The following TRPM5 variants were observed in gnomAD, a reference collection of about 807,000 sequenced individuals.
TRPM5 encodes the protein MLSN1 and TRP-related.
Under a neutral mutation model 124.9 loss-of-function variants are expected in TRPM5, and 121 were observed. That is an observed-to-expected ratio of 0.97 (90% CI 0.84 to 1.13). The LOEUF (loss-of-function observed/expected upper bound fraction) is 1.13, where lower values mean the gene tolerates loss of function less well. Among genes scored for constraint, TRPM5 ranks in the 50% most tolerant of loss-of-function variants. TRPM5 has a pLI of 0.00. For synonymous variants in TRPM5, 781 were observed against 700.5 expected (o/e 1.11, Z -1.81); for missense variants, 1,643 against 1,589.1 (o/e 1.03, Z -0.58).
intron 11 of TRPM5, 67 bp from the exon 17 acceptor site, chr11:2,414,273 C>A: frequency 6.5e-7 from 1 of 1,536,132 alleles, no homozygotes; most frequent in South Asian, 1.2e-5. Flanking sequence ...GACGCCCCTC[C>A]TCCATCCCCT....
At chr11:2,420,042 CCCAGGCCCCCACGG>C in intron 4 of TRPM5, among the ~76,000 whole-genome samples, 166 bp downstream of exon 9, 1 of 75,728 alleles carries the variant, frequency 1.3e-5, no homozygotes. Context: ...AGCTCCTCCT[CCCAGGCCCCCACGG>C]CCCAGGCCCC....
rs1430329237 is a variant in TRPM5, at chr11:2,413,234, C to A, written c.2004-8G>T. 2 of 1,539,798 alleles carry A rather than the reference C, an allele frequency of 1.3e-6. No homozygotes were observed. The highest frequency in any genetic ancestry group is 1.4e-5 in the African/African-American group (1 of 72,614). The stretch of plus-strand genomic sequence containing the variant: ...CTCAGGGGAGCTTCCTCACTGCGAG[C>A]ACAGGAGAGCTCAGGGCCCGCAGGA... On this transcript the variant is annotated splice_region_variant and splice_polypyrimidine_tract_variant and intron_variant, in intron 13 of 23. Transcript: ENST00000155858.
the TRPM5 span, among the ~76,000 whole-genome samples, chr11:2,433,208 C>A: frequency 6.6e-6 from 1 of 152,262 alleles, no homozygotes; most frequent in Non-Finnish European, 1.5e-5. Context: ...GGCCAAATGA[C>A]CTGCCCATAG....
At chr11:2,429,707 G>GGTGGTGATGGCAGTGATAGTT in the TRPM5 span, among the ~76,000 whole-genome samples, 1 of 152,012 alleles carries the variant, frequency 6.6e-6, no homozygotes, top group African/African-American at 2.4e-5. The surrounding 1 kb of genome is among the most constrained non-coding windows in gnomAD (Gnocchi z 8.4). Context: ...TGGTGATGGT[G>GGTGGTGATGGCAGTGATAGTT]GTGGTGATGG....
chr11:2,427,044 G>A (rs545668715), upstream of TRPM5, among the ~76,000 whole-genome samples: 25 of 152,326 alleles, frequency 1.6e-4, no homozygotes, highest in Non-Finnish European at 2.9e-4. Flanking sequence ...GAGCCCGTGG[G>A]GCTGGCCCTC....
At chr11:2,412,292 C>CGAGGGCGGCTGGA in intron 15 of TRPM5, 39 bp from the exon 21 acceptor site, 3 of 1,511,586 alleles carry the variant, frequency 2.0e-6, no homozygotes, top group Non-Finnish European at 2.8e-6. Context: ...AGCTGTCCAG[C>CGAGGGCGGCTGGA]CGCCCTCGCT....
upstream of TRPM5, among the ~76,000 whole-genome samples, chr11:2,425,897 C>T (rs1469042980): frequency 6.6e-6 from 1 of 152,326 alleles, no homozygotes; most frequent in African/African-American, 2.4e-5. Context: ...ACTCCTTCTT[C>T]TCTTCCCTTC....
intron 12 of TRPM5, 53 bp downstream of exon 17, chr11:2,414,008 C>CGGGGGG (rs1850511460): frequency 5.5e-5 from 57 of 1,038,702 alleles, no homozygotes; most frequent in East Asian, 8.3e-5. Flanking sequence ...GGGCCCAGCT[C>CGGGGGG]GCCCGCCCAC....
intron 20 of TRPM5, 140 bp downstream of exon 25, chr11:2,406,979 G>T: frequency 7.6e-7 from 1 of 1,309,632 alleles, no homozygotes; most frequent in Non-Finnish European, 1.0e-6. Flanking sequence ...AGCTGTGCCA[G>T]CCTGCACAGA....
At chr11:2,418,100 T>C in intron 6 of TRPM5, 67 bp downstream of exon 11, 1 of 1,409,540 alleles carries the variant, frequency 7.1e-7, no homozygotes, top group South Asian at 1.4e-5. Flanking sequence ...TTGCAGGAAC[T>C]CTCCCAGAGG....
At chr11:2,413,062 C>A in intron 14 of TRPM5, 50 bp from the exon 20 acceptor site, 1 of 1,553,504 alleles carries the variant, frequency 6.4e-7, no homozygotes, top group Non-Finnish European at 8.7e-7. Context: ...CAGCCGGGTG[C>A]CCCACCAGAG....
Position 2,420,934 on chromosome 11 carries a change from G to C in TRPM5, c.465+98C>G, listed in dbSNP as rs368003633. 2.0e-3 allele frequency: 2,635 copies of C among 1,315,828 alleles called. 78 individuals carry two copies. The South Asian group carries it at 0.038, about 19-fold the overall frequency. The allele number at this position is 1,315,828 out of a possible 1,614,324, so 81.5% of individuals were successfully genotyped here. ...CCGCTCCCTGCTCTTCCTCCAGCTCGAGTCCTGTCCTCCCAGAGCTCTGCC... is the reference window on the plus strand; with the variant it reads ...CCGCTCCCTGCTCTTCCTCCAGCTCCAGTCCTGTCCTCCCAGAGCTCTGCC... On this transcript the variant is annotated intron_variant, in intron 3 of 23. Transcript: ENST00000155858.
At chr11:2,442,469 T>C in the TRPM5 span, among the ~76,000 whole-genome samples, 1 of 151,954 alleles carries the variant, frequency 6.6e-6, no homozygotes, top group Non-Finnish European at 1.5e-5. This position sits in a 1 kb window ranked among gnomAD's most constrained non-coding sequence, Gnocchi z 5.9. Context: ...ATATTGATCA[T>C]GGCACTCCAT....
chr11:2,415,849 G>A (rs946657992), intron 8 of TRPM5, 57 bp downstream of exon 13: 39 of 1,290,818 alleles, frequency 3.0e-5, no homozygotes, highest in South Asian at 1.6e-4. Context: ...AGCAGGCAGC[G>A]TGGGCAGCTC....
chr11:2,409,395 C>G (rs1253849221), intron 18 of TRPM5, among the ~76,000 whole-genome samples: 2 of 152,158 alleles, frequency 1.3e-5, no homozygotes, highest in Non-Finnish European at 2.9e-5. Flanking sequence ...GACCCCCACA[C>G]CCTCCCCGAC....
chr11:2,412,117 C>T lies in TRPM5; in HGVS notation c.2474+18G>A. 6.2e-7 allele frequency: 1 copy of T among 1,603,694 alleles called. No homozygotes were observed. The highest frequency in any genetic ancestry group is 2.2e-5 in the East Asian group (1 of 44,826). ...CACAAGCCGCCCTGAGGCCACACGG[C>T]CTCTGGGCCCCACAGACCTGCAGGT... On this transcript the variant is annotated intron_variant, in intron 16 of 23. Coordinates refer to ENST00000155858, the Ensembl canonical transcript of TRPM5.
Position 2,414,899 on chromosome 11 carries a change from G to C in TRPM5, c.1620+8C>G, listed in dbSNP as rs1275873273. On this transcript the variant is annotated splice_region_variant and intron_variant, in intron 10 of 23. Coordinates refer to ENST00000155858, the Ensembl canonical transcript of TRPM5. ...TGCCCCCGCGCTGGGCCCGCGGCCT[G>C]GGCTCACCATGGCCCAGAAGTAGGT... is the stretch of plus-strand genomic sequence containing the variant. 15 of 1,602,414 alleles carry C rather than the reference G, an allele frequency of 9.4e-6. No individual in the cohort carries two copies. Among genetic ancestry groups the C allele is most frequent in the Non-Finnish European group, 1.3e-5 (15 of 1,176,064 alleles).
At chr11:2,407,183 G>A (rs781039843) in exon 20 of TRPM5, 1 of 1,611,586 alleles carries the variant, frequency 6.2e-7, no homozygotes, top group Non-Finnish European at 8.5e-7. Flanking sequence ...GGCTCAGGTG[G>A]CTGAGCAGGA....
chr11:2,404,911 G>T lies in TRPM5; in HGVS notation c.*26C>A, dbSNP rs375748859. 5.0e-6 allele frequency: 8 copies of T among 1,586,302 alleles called. No individual in the cohort carries two copies. The African/African-American group carries it at 8.1e-5, about 16-fold the overall frequency. On this transcript the variant is annotated 3_prime_UTR_variant, in exon 24 of 24. Transcript: ENST00000155858. ...CAGGGTGGCCAGCTGAGGAGAGGTG[G>T]CCCCACACGTGGCAGGCCAAGCAGC...
Sources: gnomAD v4.1 joint callset for allele counts (sites outside exome capture counted in the v4.1 genomes callset) on GRCh38, gnomAD v4.1.1 for gene constraint, Gnocchi (gnomAD v3.1) non-coding constraint, MANE v1.5 for transcripts, NCBI Gene and HGNC (gene_info 2026-07-23, HGNC 2026-07-21) for gene names.